The following OC90 variants were observed in gnomAD, a reference collection of about 807,000 sequenced individuals.
OC90 encodes otoconin 90, also known as otoconin-90.
In OC90, 46 loss-of-function variants were observed where a neutral mutation model predicts 47.3. That is an observed-to-expected ratio of 0.97 (90% CI 0.77 to 1.24). The LOEUF (loss-of-function observed/expected upper bound fraction) is 1.24, where lower values mean the gene tolerates loss of function less well. Ranked by LOEUF, OC90 falls within the 50% of genes most tolerant of loss-of-function variation. The probability of loss-of-function intolerance (pLI) is 0.00; values close to 1 mark genes in which losing one functional copy is unlikely to be tolerated. For synonymous variants in OC90, 271 were observed against 219.5 expected (o/e 1.23, Z -2.07); for missense variants, 688 against 583.9 (o/e 1.18, Z -1.84).
chr8:132,033,120 T>C lies in OC90; in HGVS notation c.778A>G (p.Thr260Ala). Residue 260 changes from threonine to alanine, a missense_variant, in exon 11 of 14, where the codon ACC becomes GCC. Transcript: ENST00000254627. The stretch of plus-strand genomic sequence containing the variant: ...GATTTAATGCCAGCAGGGACAAGGG[T>C]TACAATTTTAGCTGTAACCCTTGTT... ...VATRVTAKIV[T>A]LVPAGIKSLG... 6.2e-7 allele frequency: 1 copy of C among 1,608,026 alleles called. No individual in the cohort carries two copies. The highest frequency in any genetic ancestry group is 8.5e-7 in the Non-Finnish European group (1 of 1,177,228).
chr8:132,033,711 C>G (rs1182238632), intron 10 of OC90, among the ~76,000 whole-genome samples: 1 of 152,196 alleles, frequency 6.6e-6, no homozygotes, highest in Non-Finnish European at 1.5e-5. Flanking sequence ...ACATCTCTTA[C>G]CGCCTGCCTG....
intron 6 of OC90, among the ~76,000 whole-genome samples, chr8:132,040,402 G>C (rs1348385210): frequency 1.3e-5 from 2 of 152,204 alleles, no homozygotes; most frequent in African/African-American, 4.8e-5. Flanking sequence ...CCTACATGCT[G>C]TGTTCTGTCT....
rs1477495374 is a variant in OC90, at chr8:132,032,928, C to T, written c.859+111G>A. On this transcript the variant is annotated intron_variant, in intron 11 of 13. Transcript: ENST00000254627. ...TGCAGTCAGGGGGATGATGTCTTCT[C>T]ATCACACCCCCATGAGAAGGTCACA... 4.2e-5 allele frequency: 52 copies of T among 1,229,986 alleles called. No homozygotes were observed. The Middle Eastern group carries it at 8.1e-4, about 19-fold the overall frequency. 76.2% of individuals were successfully genotyped at this position (1,229,986 alleles called of 1,614,324 possible).
At chr8:132,032,930 TCA>T in intron 11 of OC90, 107 bp downstream of exon 11, 1 of 1,264,820 alleles carries the variant, frequency 7.9e-7, no homozygotes, top group Non-Finnish European at 1.1e-6. Flanking sequence ...TGTCTTCTCA[TCA>T]CACCCCCATG....
chr8:132,050,881 C>T (rs1354232719), intron 2 of OC90, among the ~76,000 whole-genome samples: 4 of 152,098 alleles, frequency 2.6e-5, no homozygotes, highest in African/African-American at 9.7e-5. Flanking sequence ...GTAATCCCAG[C>T]TACTCAGGAG....
intron 2 of OC90, chr8:132,049,797 A>C (rs1823187991): frequency 3.9e-6 from 2 of 516,274 alleles, no homozygotes; most frequent in East Asian, 1.1e-4. Flanking sequence ...CCACTTAATG[A>C]ACAATTACCT....
chr8:132,053,368 A>G (rs1823242368), intron 2 of OC90, among the ~76,000 whole-genome samples: 1 of 152,230 alleles, frequency 6.6e-6, no homozygotes, highest in South Asian at 2.1e-4. Flanking sequence ...CATATATAAC[A>G]GAAACCACAA....
In OC90 at chr8:132,037,508, A is replaced by G. The variant is rs200040631; in HGVS notation, c.629-20T>C. 5.7e-4 allele frequency: 891 copies of G among 1,565,540 alleles called. No individual in the cohort carries two copies. The highest frequency in any genetic ancestry group is 6.9e-4 in the Non-Finnish European group (795 of 1,153,650). The stretch of plus-strand genomic sequence containing the variant: ...GAACCACTGGAAAAAGAGAGTTCCC[A>G]ATAGCAGTGACTCATGCAACACAGT... On this transcript the variant is annotated intron_variant, in intron 8 of 13. Transcript: ENST00000254627.
At chr8:132,045,401 C>T (rs942561963) in intron 3 of OC90, among the ~76,000 whole-genome samples, 3 of 152,168 alleles carry the variant, frequency 2.0e-5, no homozygotes, top group African/African-American at 4.8e-5. Context: ...AGAAAATTTT[C>T]GCTTCCCCGG....
intron 13 of OC90, 53 bp from the exon 14 acceptor site, chr8:132,024,829 G>A (rs1822732937): frequency 6.6e-7 from 1 of 1,524,360 alleles, no homozygotes; most frequent in African/African-American, 1.4e-5. Context: ...GATGGCACTG[G>A]GAGGCCCCAC....
At chr8:132,047,458 T>A (rs1823148906) in intron 2 of OC90, among the ~76,000 whole-genome samples, 1 of 152,234 alleles carries the variant, frequency 6.6e-6, no homozygotes, top group Admixed American at 6.5e-5. Context: ...GCCAACTCAC[T>A]TTTTTGTTGT....
chr8:132,025,681 T>A (rs537460870), intron 13 of OC90, among the ~76,000 whole-genome samples: 1 of 152,344 alleles, frequency 6.6e-6, no homozygotes, highest in Admixed American at 6.5e-5. Flanking sequence ...ATCTTTCAAG[T>A]TGCCTGCTTG....
Position 132,031,882 on chromosome 8 carries a change from T to C in OC90, c.1030A>G (p.Arg344Gly). 2 of 1,613,640 alleles carry C rather than the reference T, an allele frequency of 1.2e-6. No homozygotes were observed. Among genetic ancestry groups the C allele is most frequent in the Non-Finnish European group, 1.7e-6 (2 of 1,179,718 alleles). Residue 344 changes from arginine to glycine, a missense_variant and splice_region_variant, in exon 12 of 14, where the codon AGG (arginine) becomes GGG (glycine). Physicochemically the swap from Arg to Gly is moderately radical, Grantham distance 125. Transcript: ENST00000254627. ...GRGEPRDDLD[R>G]CCLSHHCCLE... ...GCTGTCACCGCTGGCTCTCCATACC[T>C]GTCTAGGTCATCCCTTGGCTCGCCT...
At chr8:132,030,351 C>T (rs1365814760) in intron 12 of OC90, among the ~76,000 whole-genome samples, 1 of 152,140 alleles carries the variant, frequency 6.6e-6, no homozygotes, top group Non-Finnish European at 1.5e-5. Context: ...AGAGTTTTCT[C>T]CTGTTGGCCT....
intron 9 of OC90, among the ~76,000 whole-genome samples, chr8:132,035,335 T>A (rs1047530864): frequency 6.6e-6 from 1 of 152,224 alleles, no homozygotes; most frequent in African/African-American, 2.4e-5. Flanking sequence ...GCTTCTTATA[T>A]TAACTTACCA....
chr8:132,045,491 A>G (rs1823119358), intron 3 of OC90, among the ~76,000 whole-genome samples: 1 of 152,210 alleles, frequency 6.6e-6, no homozygotes, highest in African/African-American at 2.4e-5. Context: ...CCTTCTTGGA[A>G]GCTCAGAGCT....
chr8:132,053,375 A>G (rs756878047), intron 2 of OC90, among the ~76,000 whole-genome samples: 21 of 152,222 alleles, frequency 1.4e-4, no homozygotes, highest in Non-Finnish European at 2.8e-4. Context: ...AACAGAAACC[A>G]CAAGTTCAAT....
intron 13 of OC90, among the ~76,000 whole-genome samples, chr8:132,026,910 T>A (rs7840213): frequency 6.6e-6 from 1 of 152,040 alleles, no homozygotes. Context: ...GCACTACAAC[T>A]GGGCCTCCCA....
intron 2 of OC90, among the ~76,000 whole-genome samples, chr8:132,048,165 T>C (rs1459992363): frequency 6.6e-6 from 1 of 152,226 alleles, no homozygotes; most frequent in African/African-American, 2.4e-5. Flanking sequence ...TTCTGTTCTT[T>C]ATAAATTACC....
Sources: gnomAD v4.1 joint callset for allele counts (sites outside exome capture counted in the v4.1 genomes callset) on GRCh38, gnomAD v4.1.1 for gene constraint, MANE v1.5 for transcripts, NCBI Gene and HGNC (gene_info 2026-07-23, HGNC 2026-07-21) for gene names.